THBS2: variants seen among roughly 807,000 people sequenced by gnomAD.
THBS2 encodes thrombospondin 2.
Under a neutral mutation model 135.2 loss-of-function variants are expected in THBS2, and 47 were observed. The observed-to-expected ratio is 0.35, with a 90% CI of 0.28 to 0.44. The LOEUF is 0.44. THBS2 is among the 20% of genes least tolerant of loss of function. The pLI is 1.00. For synonymous variants in THBS2, 639 were observed against 633.8 expected (o/e 1.01, Z -0.12); for missense variants, 1,288 against 1,603.1 (o/e 0.80, Z 3.36).
chr6:169,253,835 G>A lies in THBS2; in HGVS notation c.-134C>T, dbSNP rs1780831729. 1 of 152,290 alleles carries A rather than the reference G, an allele frequency of 6.6e-6. No individual in the cohort carries two copies. The highest frequency in any genetic ancestry group is 1.5e-5 in the Non-Finnish European group (1 of 68,066). 9.4% of individuals were successfully genotyped at this position (152,290 alleles called of 1,614,324 possible). A position where few individuals can be genotyped will look rare whatever the true frequency, so the allele number is the denominator to read the frequency against. ...CGGCCCTGCAGTGCAGGATGCTCCG[G>A]TGGACGTGGCCGAGCGGCTCCCGGG... On this transcript the variant is annotated 5_prime_UTR_variant, in exon 1 of 22. Transcript: ENST00000617924.
At position 169,241,194 on chromosome 6, in the gene THBS2, G is replaced by A. The variant is rs145095231; in HGVS notation, c.891+568C>T. On this transcript the variant is annotated intron_variant, in intron 5 of 21. Transcript: ENST00000617924. The surrounding 1 kb of genome is among the most constrained non-coding windows in gnomAD (Gnocchi z 5.5). ...AGCCATGTGTATGTTGTGGGGCACCGTGGCCCGGAGCACCTCATTATGTTC... is the reference window on the plus strand; with the variant it reads ...AGCCATGTGTATGTTGTGGGGCACCATGGCCCGGAGCACCTCATTATGTTC... Among the ~76,000 whole-genome samples the A allele has an allele frequency of 1.5e-3, 221 of 152,168 alleles. No homozygotes were observed. The highest frequency in any genetic ancestry group is 4.9e-3 in the African/African-American group (205 of 41,498).
rs1233812724 is a variant in THBS2, at chr6:169,246,144, A to G, written c.694+53T>C. 7 of 1,479,484 alleles carry G rather than the reference A, an allele frequency of 4.7e-6. No homozygotes were observed. In the Admixed American group the frequency reaches 5.0e-5, roughly 11 times the overall value. The allele number at this position is 1,479,484 out of a possible 1,614,324, so 91.6% of individuals were successfully genotyped here. A position where few individuals can be genotyped will look rare whatever the true frequency, so the allele number is the denominator to read the frequency against. On this transcript the variant is annotated intron_variant, in intron 4 of 21. Transcript: ENST00000617924. ...ACACACACACATACACCATGTCACAATAGAAATCCATCCAAGCCAGTATAT... is the reference window on the plus strand; with the variant it reads ...ACACACACACATACACCATGTCACAGTAGAAATCCATCCAAGCCAGTATAT...
chr6:169,218,048 G>GA (rs1779245159), intron 21 of THBS2, among the ~76,000 whole-genome samples: 1 of 125,970 alleles, frequency 7.9e-6, no homozygotes, highest in Non-Finnish European at 1.8e-5. Flanking sequence ...TGAGATGGAT[G>GA]GATGGATGGA....
chr6:169,241,657 G>A lies in THBS2; in HGVS notation c.891+105C>T. On this transcript the variant is annotated intron_variant, in intron 5 of 21. Transcript: ENST00000617924. This position sits in a 1 kb window ranked among gnomAD's most constrained non-coding sequence, Gnocchi z 5.5. ...TGTGAACTGTGGGTTTTTACATCGA[G>A]CATGAGGCACTGCCAAGCCAGGGAA... 5.8e-6 allele frequency: 7 copies of A among 1,209,492 alleles called. No homozygotes were observed. Among genetic ancestry groups the A allele is most frequent in the Non-Finnish European group, 8.2e-6 (7 of 858,684 alleles). The allele number at this position is 1,209,492 out of a possible 1,614,324, so 74.9% of individuals were successfully genotyped here. A position where few individuals can be genotyped will look rare whatever the true frequency, so the allele number is the denominator to read the frequency against.
At position 169,248,549 on chromosome 6, in the gene THBS2, C is replaced by T. The variant is rs765400025; in HGVS notation, c.477G>A (p.Glu159=). ...CGCAGCCCACGTGCAAGCTGTAGGT[C>T]TCGCCAGCCACCTGCACGGTGACGT... The part of the protein sequence containing the change: ...WKNVTVQVAG[E]TYSLHVGCDL... The change falls in exon 3 of 22, where the codon GAG becomes GAA. Residue 159 remains glutamate (E), a synonymous_variant. Coordinates refer to ENST00000617924, the MANE Select transcript of THBS2 (RefSeq NM_003247.5). 6.2e-7 allele frequency: 1 copy of T among 1,614,024 alleles called. No homozygotes were observed. The highest frequency in any genetic ancestry group is 2.2e-5 in the East Asian group (1 of 44,868).
intron 17 of THBS2, among the ~76,000 whole-genome samples, chr6:169,224,484 C>G (rs1269141026): frequency 6.6e-6 from 1 of 152,202 alleles, no homozygotes; most frequent in Non-Finnish European, 1.5e-5. Context: ...AGATGCCCCT[C>G]AAGTCCTTAT....
In THBS2 at chr6:169,248,442, C is replaced by A. The variant is rs779121589; in HGVS notation, c.584G>T (p.Gly195Val). 2 of 1,610,322 alleles carry A rather than the reference C, an allele frequency of 1.2e-6. No individual in the cohort carries two copies. The highest frequency in any genetic ancestry group is 1.7e-6 in the Non-Finnish European group (2 of 1,177,090). ...CCTGAAGTGACTCTCTCTGGCAGAG[C>A]CTTTGGCCACGTACATCCGGCTCTT... ...AEKSRMYVAK[G>V]SARESHFRGL... Residue 195 changes from glycine to valine, a missense_variant, in exon 3 of 22, where the codon GGC becomes GTC. By Grantham distance (109) the Gly-to-Val change is moderately radical. Around this residue, in one of 2 missense-constraint regions of THBS2, gnomAD observed 414 missense variants for 447.0 expected, o/e 0.93. Transcript: ENST00000617924.
In THBS2 at chr6:169,216,297, G is replaced by GA. The variant is rs1417790148; in HGVS notation, c.*1524dup. On this transcript the variant is annotated 3_prime_UTR_variant, in exon 22 of 22. Transcript: ENST00000617924. ...ATGTGATGACTATTAACAGAAAGGG[G>GA]AAAAAGATTTGCCCCCTATCCATCA... 2.6e-5 allele frequency: 4 copies of GA among 152,108 alleles called. No individual in the cohort carries two copies. The highest frequency in any genetic ancestry group is 9.7e-5 in the African/African-American group (4 of 41,400). 9.4% of individuals were successfully genotyped at this position (152,108 alleles called of 1,614,324 possible). A position where few individuals can be genotyped will look rare whatever the true frequency, so the allele number is the denominator to read the frequency against.
At chr6:169,247,739 A>AGG (rs1780601985) in intron 3 of THBS2, among the ~76,000 whole-genome samples, 1 of 147,880 alleles carries the variant, frequency 6.8e-6, no homozygotes, top group African/African-American at 2.6e-5. Context: ...TGCATGCATG[A>AGG]GTGTGTTCAC....
rs1414259736 is a variant in THBS2, at chr6:169,241,049, G to A, written c.892-457C>T. 3.5e-5 allele frequency among the ~76,000 whole-genome samples: 4 copies of A among 112,994 alleles called. No homozygotes were observed. Among genetic ancestry groups the A allele is most frequent in the Admixed American group, 2.0e-4 (2 of 10,156 alleles). The allele number at this position is 112,994 out of a possible 152,430, so 74.1% of individuals were successfully genotyped here. A position where few individuals can be genotyped will look rare whatever the true frequency, so the allele number is the denominator to read the frequency against. On this transcript the variant is annotated intron_variant, in intron 5 of 21. Transcript: ENST00000617924. This position sits in a 1 kb window ranked among gnomAD's most constrained non-coding sequence, Gnocchi z 5.5. ...CCTGCCCCAGGCTCCTGCCCTCGCCGCCCTCCCTGCCCCGGACTCCTGCCC... is the reference window on the plus strand; with the variant it reads ...CCTGCCCCAGGCTCCTGCCCTCGCCACCCTCCCTGCCCCGGACTCCTGCCC...
rs1779212759 is a variant in THBS2 at position 169,217,371 on chromosome 6, A to AAGAAT, written c.*446_*450dup. 1 of 159,534 alleles carries AAGAAT rather than the reference A, an allele frequency of 6.3e-6. No homozygotes were observed. Among genetic ancestry groups the AAGAAT allele is most frequent in the South Asian group, 2.0e-4 (1 of 4,936 alleles). The allele number at this position is 159,534 out of a possible 1,614,324, so 9.9% of individuals were successfully genotyped here. A position where few individuals can be genotyped will look rare whatever the true frequency, so the allele number is the denominator to read the frequency against. ...TGTCATTGTAGAGCAACTCTAATTC[A>AAGAAT]AGAATAGTGACAACTTTAAGCACCA... is the stretch of plus-strand genomic sequence containing the variant. On this transcript the variant is annotated 3_prime_UTR_variant, in exon 22 of 22. Transcript: ENST00000617924.
At chr6:169,253,177 T>G (rs576353320) in intron 1 of THBS2, among the ~76,000 whole-genome samples, 1 of 152,176 alleles carries the variant, frequency 6.6e-6, no homozygotes, top group African/African-American at 2.4e-5. Context: ...AATCAGAGTC[T>G]CTCTTTAATC....
intron 13 of THBS2, 51 bp downstream of exon 13, chr6:169,231,929 A>G (rs765944631): frequency 6.3e-7 from 1 of 1,595,236 alleles, no homozygotes; most frequent in East Asian, 2.3e-5. Context: ...CGGCGCCAGG[A>G]GGAGGGCTGA....
chr6:169,221,667 G>A (rs1779435493), intron 19 of THBS2, 140 bp from the exon 20 acceptor site: 2 of 717,830 alleles, frequency 2.8e-6, no homozygotes, highest in African/African-American at 1.7e-5. Flanking sequence ...TCTCTGATGT[G>A]TTTATCATCC....
chr6:169,228,715 G>C (rs574723219), intron 14 of THBS2, among the ~76,000 whole-genome samples: 4 of 152,176 alleles, frequency 2.6e-5, no homozygotes, highest in Non-Finnish European at 5.9e-5. Context: ...CCTGAGGTCA[G>C]GAGTTCGAGA....
chr6:169,237,896 C>T (rs1460964253), intron 7 of THBS2, 101 bp from the exon 8 acceptor site: 1 of 1,371,880 alleles, frequency 7.3e-7, no homozygotes, highest in Non-Finnish European at 9.6e-7. Flanking sequence ...ACAGTTCATG[C>T]ATCCAGGAAT....
rs1255494593 is a variant in THBS2 at position 169,216,827 on chromosome 6, T to TAAC, written c.*992_*994dup. On this transcript the variant is annotated 3_prime_UTR_variant, in exon 22 of 22. Transcript: ENST00000617924. Reference sequence around the variant, plus strand: ...CATTCTATAGTCACTTAATAAATATTAACAAAATATTTATAACTGGAACCT... The same window carrying TAAC: ...CATTCTATAGTCACTTAATAAATATTAACAACAAAATATTTATAACTGGAACCT... 1.3e-5 allele frequency: 2 copies of TAAC among 152,240 alleles called. No individual in the cohort carries two copies. Among genetic ancestry groups the TAAC allele is most frequent in the Non-Finnish European group, 2.9e-5 (2 of 68,048 alleles). 9.4% of individuals were successfully genotyped at this position (152,240 alleles called of 1,614,324 possible). A position where few individuals can be genotyped will look rare whatever the true frequency, so the allele number is the denominator to read the frequency against.
At chr6:169,248,137 CTT>C (rs1184478543) in intron 3 of THBS2, among the ~76,000 whole-genome samples, 8 of 150,834 alleles carry the variant, frequency 5.3e-5, no homozygotes, top group African/African-American at 1.2e-4. Context: ...GTGTATATGT[CTT>C]TGGATGTGTG....
chr6:169,243,275 T>C, intron 4 of THBS2, among the ~76,000 whole-genome samples: 1 of 152,054 alleles, frequency 6.6e-6, no homozygotes, highest in Admixed American at 6.6e-5. Context: ...GGGTATGGCA[T>C]GTAATTTACA....
Sources: gnomAD v4.1 joint callset for allele counts (sites outside exome capture counted in the v4.1 genomes callset) on GRCh38, gnomAD v4.1.1 for gene constraint, gnomAD v4.1.1 regional missense constraint, Gnocchi (gnomAD v3.1) non-coding constraint, MANE v1.5 for transcripts, NCBI Gene and HGNC (gene_info 2026-07-23, HGNC 2026-07-21) for gene names.